Variants in AAK1 observed in about 807,000 individuals in gnomAD.
AAK1 encodes the protein AP2-associated protein kinase 1.
AAK1 carries 37 observed loss-of-function variants against 116.0 expected under a neutral mutation model. The ratio of observed to expected loss-of-function variants is 0.32; its 90% CI spans 0.25 to 0.42. The LOEUF is 0.42. Ranked by LOEUF, AAK1 falls within the 10% of genes least tolerant of loss-of-function variation. AAK1 has a pLI of 1.00. For missense variants in AAK1, 919 were observed against 1,170.6 expected (o/e 0.79, Z 3.14); for synonymous variants, 458 against 439.9 (o/e 1.04, Z -0.51).
rs201042136 is a variant in AAK1, at chr2:69,587,934, T to A, written c.164-30956A>T. On this transcript the variant is annotated intron_variant, in intron 2 of 21. Coordinates refer to ENST00000409085, the MANE Select transcript of AAK1 (RefSeq NM_014911.5). ...GGCCTCATTTCTTTTTTCTTTTTTT[T>A]AAATTTTTTGTAGAGACAAGGTCTC... Among the ~76,000 whole-genome samples, 7 of 152,092 alleles carry A rather than the reference T, an allele frequency of 4.6e-5. No individual in the cohort carries two copies. In the East Asian group the frequency reaches 5.8e-4, roughly 13 times the overall value.
At chr2:69,633,765 C>A (rs1352566191) in intron 2 of AAK1, among the ~76,000 whole-genome samples, 4 of 152,174 alleles carry the variant, frequency 2.6e-5, no homozygotes, top group African/African-American at 7.2e-5. Context: ...GTTACAGCAG[C>A]CCAGAGGAAC....
chr2:69,495,909 T>C lies in AAK1; in HGVS notation c.2365+76A>G, dbSNP rs1675720048. The C allele has an allele frequency of 3.2e-6, 4 of 1,240,772 alleles. No individual in the cohort carries two copies. In the South Asian group the frequency reaches 5.7e-5, roughly 18 times the overall value. The allele number at this position is 1,240,772 out of a possible 1,614,324, so 76.9% of individuals were successfully genotyped here. A position where few individuals can be genotyped will look rare whatever the true frequency, so the allele number is the denominator to read the frequency against. ...AATTCAGATCCTTTTCACGGGGTAT[T>C]TAAGGCAGAACTTTCTACAAGGCCT... On this transcript the variant is annotated intron_variant, in intron 17 of 21. Transcript: ENST00000409085.
intron 3 of AAK1, among the ~76,000 whole-genome samples, chr2:69,545,154 CTTCAG>C (rs1670872866): frequency 6.6e-6 from 1 of 152,140 alleles, no homozygotes; most frequent in South Asian, 2.1e-4. Context: ...GTTTCCAGCT[CTTCAG>C]TTGGAACTGC....
intron 16 of AAK1, among the ~76,000 whole-genome samples, chr2:69,504,953 C>G (rs1676121225): frequency 6.6e-6 from 1 of 152,118 alleles, no homozygotes; most frequent in Non-Finnish European, 1.5e-5. Flanking sequence ...AAATTACTAA[C>G]TTTTATATAA....
chr2:69,583,529 T>C (rs1417871351), intron 2 of AAK1, among the ~76,000 whole-genome samples: 1 of 151,938 alleles, frequency 6.6e-6, no homozygotes, highest in Non-Finnish European at 1.5e-5. Flanking sequence ...TCAGGAAGTT[T>C]AATAATTTCC....
chr2:69,609,039 T>C (rs901381091), intron 2 of AAK1, among the ~76,000 whole-genome samples: 2 of 152,188 alleles, frequency 1.3e-5, no homozygotes, highest in African/African-American at 4.8e-5. Flanking sequence ...GTCAATACTA[T>C]CCAAAGCAAT....
At chr2:69,520,606 A>AT (rs2104999250) in intron 11 of AAK1, among the ~76,000 whole-genome samples, 1 of 152,084 alleles carries the variant, frequency 6.6e-6, no homozygotes, top group Non-Finnish European at 1.5e-5. Flanking sequence ...ACCTCGGATG[A>AT]TTCACCCGCC....
intron 5 of AAK1, among the ~76,000 whole-genome samples, chr2:69,534,960 A>C (rs1670401548): frequency 6.6e-6 from 1 of 152,252 alleles, no homozygotes; most frequent in African/African-American, 2.4e-5. Context: ...AGAAAAGGGC[A>C]CTGTGTTATG....
At chr2:69,504,711 G>C (rs538108761) in intron 16 of AAK1, among the ~76,000 whole-genome samples, 1 of 152,134 alleles carries the variant, frequency 6.6e-6, no homozygotes, top group African/African-American at 2.4e-5. Flanking sequence ...CGGTTGCAGT[G>C]AGCCAAGATT....
intron 3 of AAK1, among the ~76,000 whole-genome samples, chr2:69,546,257 G>T (rs185921470): frequency 6.6e-6 from 1 of 152,312 alleles, no homozygotes; most frequent in African/African-American, 2.4e-5. Flanking sequence ...TGACAAAGAA[G>T]TTTGATGAGA....
chr2:69,489,535 G>T (rs924649985), intron 17 of AAK1, among the ~76,000 whole-genome samples: 12 of 151,956 alleles, frequency 7.9e-5, no homozygotes, highest in African/African-American at 2.4e-4. Context: ...TCTGACTCTG[G>T]TTAGGAATAT....
rs551175693 is a variant in AAK1 at position 69,588,913 on chromosome 2, AAAAAGGCAGCCTCTGATTTTC to A, written c.164-31956_164-31936del. Among the ~76,000 whole-genome samples, 972 of 152,300 alleles carry A rather than the reference AAAAAGGCAGCCTCTGATTTTC, an allele frequency of 6.4e-3. 18 individuals are homozygous for A. Among genetic ancestry groups the A allele is most frequent in the East Asian group, 0.012 (62 of 5,184 alleles). ...CAGAATAAATGAAAGAACTGCTACC[AAAAAGGCAGCCTCTGATTTTC>A]AAAAGAACTTCCGTTGCTTTTTAGA... On this transcript the variant is annotated intron_variant, in intron 2 of 21. Transcript: ENST00000409085.
rs1670289894 is a variant in AAK1, at chr2:69,532,259, G to A, written c.535-97C>T. 6 of 1,451,040 alleles carry A rather than the reference G, an allele frequency of 4.1e-6. No homozygotes were observed. The South Asian group carries it at 4.9e-5, about 12-fold the overall frequency. 89.9% of individuals were successfully genotyped at this position (1,451,040 alleles called of 1,614,324 possible). ...TCACATAAATAAACGTTTTATTTCT[G>A]GCAGTCTCATTAATGTGCACAGGGA... is the stretch of plus-strand genomic sequence containing the variant. On this transcript the variant is annotated intron_variant, in intron 5 of 21. Coordinates refer to ENST00000409085, the MANE Select transcript of AAK1 (RefSeq NM_014911.5).
chr2:69,547,747 G>T (rs1157007314), intron 3 of AAK1, among the ~76,000 whole-genome samples: 1 of 152,140 alleles, frequency 6.6e-6, no homozygotes, highest in Non-Finnish European at 1.5e-5. Context: ...TCACCCAAGA[G>T]ATGTGAAAAT....
Position 69,468,541 on chromosome 2 carries a change from TA to T in AAK1, c.*7327del. On this transcript the variant is annotated 3_prime_UTR_variant, in exon 22 of 22. Coordinates refer to ENST00000409085, the MANE Select transcript of AAK1 (RefSeq NM_014911.5). Reference sequence around the variant, plus strand: ...TTCTGCAGGAGAGCAAAATATCTCTTAGGGAAAAAAAATGGAAAACTTAGTC... The same window carrying T: ...TTCTGCAGGAGAGCAAAATATCTCTTGGGAAAAAAAATGGAAAACTTAGTC... 2 of 985,294 alleles carry T rather than the reference TA, an allele frequency of 2.0e-6. No homozygotes were observed. The highest frequency in any genetic ancestry group is 2.4e-6 in the Non-Finnish European group (2 of 829,890). The allele number at this position is 985,294 out of a possible 1,614,324, so 61.0% of individuals were successfully genotyped here.
Position 69,472,689 on chromosome 2 carries a change from TAG to T in AAK1, c.*3178_*3179del. On this transcript the variant is annotated 3_prime_UTR_variant, in exon 22 of 22. Transcript: ENST00000409085. Reference sequence around the variant, plus strand: ...AATCAATTTGTCATGTTTTCTGCTATAGTTACTCCTCTTACATAGCTGGAATA... The same window carrying T: ...AATCAATTTGTCATGTTTTCTGCTATTTACTCCTCTTACATAGCTGGAATA... The T allele has an allele frequency of 3.0e-6, 3 of 985,462 alleles. No individual in the cohort carries two copies. The highest frequency in any genetic ancestry group is 3.6e-6 in the Non-Finnish European group (3 of 829,924). 61.0% of individuals were successfully genotyped at this position (985,462 alleles called of 1,614,324 possible).
intron 2 of AAK1, among the ~76,000 whole-genome samples, chr2:69,630,137 G>A (rs1279026804): frequency 6.6e-6 from 1 of 152,156 alleles, no homozygotes; most frequent in African/African-American, 2.4e-5. Context: ...AATTGGATAG[G>A]CAGCAGGTGC....
intron 16 of AAK1, among the ~76,000 whole-genome samples, chr2:69,498,594 T>C (rs772504733): frequency 1.7e-4 from 26 of 151,804 alleles, no homozygotes; most frequent in Non-Finnish European, 3.2e-4. Context: ...GAATACACTC[T>C]GCCACTGTCA....
At chr2:69,568,613 T>C (rs1221503970) in intron 2 of AAK1, among the ~76,000 whole-genome samples, 4 of 152,060 alleles carry the variant, frequency 2.6e-5, no homozygotes, top group Non-Finnish European at 2.9e-5. Flanking sequence ...AAATTTTTTG[T>C]AGAGACAGGA....
Sources: allele counts gnomAD v4.1 joint callset (sites outside exome capture counted in the v4.1 genomes callset), GRCh38; gene constraint gnomAD v4.1.1; transcripts MANE v1.5; gene names NCBI Gene and HGNC (gene_info 2026-07-23, HGNC 2026-07-21).